The following EDNRA variants were observed in gnomAD, a reference collection of about 807,000 sequenced individuals.
EDNRA encodes endothelin receptor type A, also known as endothelin-1 receptor.
EDNRA carries 11 observed loss-of-function variants against 41.4 expected under a neutral mutation model. The ratio of observed to expected loss-of-function variants is 0.27; its 90% confidence interval spans 0.17 to 0.44. The LOEUF (loss-of-function observed/expected upper bound fraction) is 0.44. Among genes scored for constraint, EDNRA ranks in the 20% least tolerant of loss-of-function variants. The probability of loss-of-function intolerance (pLI) is 1.00; values close to 1 mark genes in which losing one functional copy is unlikely to be tolerated. For synonymous variants in EDNRA, 172 were observed against 183.0 expected, an observed-to-expected ratio of 0.94 and a Z score of 0.49; for missense variants, 294 against 531.0, an observed-to-expected ratio of 0.55 and a Z score of 4.39.
At chr4:147,540,508 T>C in intron 7 of EDNRA, 23 bp downstream of exon 7, 1 of 1,543,234 alleles carries the variant, frequency 6.5e-7, no homozygotes, top group Non-Finnish European at 8.9e-7. Context: ...TTCAAGTATT[T>C]TTTAAAGACA....
chr4:147,517,586 C>T (rs1251645301), intron 2 of EDNRA, among the ~76,000 whole-genome samples: 1 of 152,146 alleles, frequency 6.6e-6, no homozygotes, highest in Non-Finnish European at 1.5e-5. Flanking sequence ...GTGATTACAC[C>T]TAATAATTTT....
rs1731191652 is a variant in EDNRA, at chr4:147,543,703, G to C, written c.*1085G>C. 1 of 152,482 alleles carries C rather than the reference G, an allele frequency of 6.6e-6. No homozygotes were observed. 9.4% of individuals were successfully genotyped at this position (152,482 alleles called of 1,614,324 possible). ...CTATTCTCTTAATTTTTCTTAAAAT[G>C]TTAACTGGCAGTAAGTCTTTTTTGA... is the stretch of plus-strand genomic sequence containing the variant. On this transcript the variant is annotated 3_prime_UTR_variant, in exon 8 of 8. Transcript: ENST00000651419.
rs199678060 is a variant in EDNRA, at chr4:147,485,437, A to AT, written c.-70-174dup. Among the ~76,000 whole-genome samples, 1,279 of 152,320 alleles carry AT rather than the reference A, an allele frequency of 8.4e-3. 11 individuals carry two copies. The highest frequency in any genetic ancestry group is 0.028 in the South Asian group (133 of 4,822). On this transcript the variant is annotated intron_variant, in intron 1 of 7. Transcript: ENST00000651419. ...CATAGAGGAGATAGAGCTTGCCCTA[A>AT]TAGAGCTTCAGTTTTTTTCTGGTTT...
At chr4:147,492,679 T>A (rs1438630353) in intron 2 of EDNRA, 1 of 151,936 alleles carries the variant, frequency 6.6e-6, no homozygotes, top group Non-Finnish European at 1.5e-5. Context: ...TTTTTGCTCT[T>A]GAGAGAATAC....
At chr4:147,540,526 G>T in intron 7 of EDNRA, 41 bp downstream of exon 7, 1 of 1,425,992 alleles carries the variant, frequency 7.0e-7, no homozygotes, top group Non-Finnish European at 9.8e-7. Context: ...ACAACAAAAT[G>T]AGTATATTAA....
rs555988780 is a variant in EDNRA at position 147,511,930 on chromosome 4, G to T, written c.421-7921G>T. On this transcript the variant is annotated intron_variant, in intron 2 of 7. Transcript: ENST00000651419. The stretch of plus-strand genomic sequence containing the variant: ...TGCTTGTATGTTTTTATGACAAGAT[G>T]TAGGGCTCCACTCACAACACATGGA... Among the ~76,000 whole-genome samples the T allele has an allele frequency of 3.3e-5, 5 of 152,192 alleles. No individual in the cohort carries two copies. In the South Asian group the frequency reaches 8.3e-4, roughly 25 times the overall value.
intron 2 of EDNRA, among the ~76,000 whole-genome samples, chr4:147,504,370 G>A (rs1287347506): frequency 1.3e-5 from 2 of 152,096 alleles, no homozygotes; most frequent in African/African-American, 2.4e-5. Flanking sequence ...TCAGATATTG[G>A]CCGTTACGAA....
intron 2 of EDNRA, among the ~76,000 whole-genome samples, chr4:147,511,885 C>G (rs1458941741): frequency 1.3e-5 from 2 of 152,160 alleles, no homozygotes; most frequent in East Asian, 1.9e-4. Context: ...GACCCAGACA[C>G]ACAATAAGGC....
intron 2 of EDNRA, chr4:147,489,316 T>C (rs1254131689): frequency 6.6e-6 from 1 of 152,174 alleles, no homozygotes; most frequent in African/African-American, 2.4e-5. Context: ...TCTTAGTTGC[T>C]TTTATGCTCA....
intron 3 of EDNRA, among the ~76,000 whole-genome samples, chr4:147,528,069 G>C (rs1226550804): frequency 6.6e-6 from 1 of 152,156 alleles, no homozygotes; most frequent in Non-Finnish European, 1.5e-5. Flanking sequence ...ATTAGCTTTA[G>C]CCAATTAAGG....
At chr4:147,533,904 C>CCTA (rs1560917121) in intron 4 of EDNRA, among the ~76,000 whole-genome samples, 1 of 152,130 alleles carries the variant, frequency 6.6e-6, no homozygotes, top group Admixed American at 6.6e-5. Flanking sequence ...GTGGGCTAGA[C>CCTA]GGTTGCAGTA....
chr4:147,495,539 A>C (rs1169508717), intron 2 of EDNRA: 2 of 152,216 alleles, frequency 1.3e-5, no homozygotes, highest in Non-Finnish European at 2.9e-5. Context: ...GTTCATTGTC[A>C]TGTCAGTGAG....
chr4:147,501,862 A>G (rs1177139705), intron 2 of EDNRA, among the ~76,000 whole-genome samples: 5 of 152,204 alleles, frequency 3.3e-5, no homozygotes, highest in African/African-American at 4.8e-5. Context: ...CTATATGACA[A>G]ATTCCCACAC....
chr4:147,494,639 CT>C (rs1487082067), intron 2 of EDNRA: 1 of 152,218 alleles, frequency 6.6e-6, no homozygotes, highest in East Asian at 1.9e-4. Flanking sequence ...CACATAGGGC[CT>C]GATAGCATGG....
intron 4 of EDNRA, 31 bp from the exon 5 acceptor site, chr4:147,535,846 C>A (rs1174239815): frequency 1.9e-6 from 3 of 1,584,972 alleles, no homozygotes; most frequent in South Asian, 2.2e-5. Flanking sequence ...TCTGCTCCTC[C>A]TTTTCTCTTT....
rs1201780967 is a variant in EDNRA at position 147,542,612 on chromosome 4, G to A, written c.1278G>A (p.Met426Ile). The A allele has an allele frequency of 1.2e-6, 2 of 1,613,854 alleles. No individual in the cohort carries two copies. Among genetic ancestry groups the A allele is most frequent in the African/African-American group, 1.3e-5 (1 of 75,004 alleles). The change falls in exon 8 of 8, where the codon ATG becomes ATA. Residue 426 changes from methionine (M) to isoleucine (I), a missense_variant. By Grantham distance (10) the Met-to-Ile change is conservative (BLOSUM62 1). Coordinates refer to ENST00000651419, the MANE Select transcript of EDNRA (RefSeq NM_001957.4). ...ACCGGAGCAGCCATAAGGACAGCATGAACTGACCACCCTTAGAAGCACTCC... is the reference window on the plus strand; with the variant it reads ...ACCGGAGCAGCCATAAGGACAGCATAAACTGACCACCCTTAGAAGCACTCC... ...NTDRSSHKDS[M>I]N is the part of the protein sequence containing the mutation.
At chr4:147,506,397 A>C in intron 2 of EDNRA, 1 of 410,500 alleles carries the variant, frequency 2.4e-6, no homozygotes, top group Non-Finnish European at 4.8e-6. Context: ...TGAAAAGTAC[A>C]TGAGATTAAA....
At position 147,543,050 on chromosome 4, in the gene EDNRA, T is replaced by A. The variant is rs1256345403; in HGVS notation, c.*432T>A. Reference sequence around the variant, plus strand: ...GATTTTCTACTTTTTTTAAGTGATTTTTTTGTCCTTCAGCCAAACACAATA... The same window carrying A: ...GATTTTCTACTTTTTTTAAGTGATTATTTTGTCCTTCAGCCAAACACAATA... On this transcript the variant is annotated 3_prime_UTR_variant, in exon 8 of 8. Transcript: ENST00000651419. 2 of 153,046 alleles carry A rather than the reference T, an allele frequency of 1.3e-5. No individual in the cohort carries two copies. The highest frequency in any genetic ancestry group is 2.9e-5 in the Non-Finnish European group (2 of 68,622). 9.5% of individuals were successfully genotyped at this position (153,046 alleles called of 1,614,324 possible).
At chr4:147,540,022 C>T in intron 6 of EDNRA, 72 bp downstream of exon 6, 1 of 1,523,072 alleles carries the variant, frequency 6.6e-7, no homozygotes, top group South Asian at 1.3e-5. Flanking sequence ...TTTACAAAAC[C>T]AGCTACTCTA....
Sources: gnomAD v4.1 joint callset for allele counts (sites outside exome capture counted in the v4.1 genomes callset) on GRCh38, gnomAD v4.1.1 for gene constraint, MANE v1.5 for transcripts, NCBI Gene and HGNC (gene_info 2026-07-23, HGNC 2026-07-21) for gene names.